Variants in PHTF1 observed in about 807,000 individuals in gnomAD.
PHTF1 encodes the protein protein PHTF1.
PHTF1 carries 88 observed loss-of-function variants against 102.4 expected under a neutral mutation model. The ratio of observed to expected loss-of-function variants is 0.86; its 90% CI spans 0.72 to 1.03. PHTF1 has a LOEUF of 1.03. PHTF1 is among the 50% of genes least tolerant of loss of function. The pLI is 0.00. For missense variants in PHTF1, 814 were observed against 909.5 expected (o/e 0.89, Z 1.35); for synonymous variants, 289 against 305.2 (o/e 0.95, Z 0.55).
rs529148120 is a variant in PHTF1, at chr1:113,753,544, CAGCCCCCTGAGT to C, written c.102+4143_102+4154del. On this transcript the variant is annotated intron_variant, in intron 3 of 18. Transcript: ENST00000369604. ...CCACACTCAAACGATTCTCCTGCCT[CAGCCCCCTGAGT>C]AGGTGGGACTACAGGTGCGTGTCAC... 1.6e-4 allele frequency among the ~76,000 whole-genome samples: 24 copies of C among 152,258 alleles called. 1 individual carries two copies. The South Asian group carries it at 5.0e-3, about 32-fold the overall frequency.
intron 5 of PHTF1, among the ~76,000 whole-genome samples, chr1:113,735,574 A>G (rs769065782): frequency 7.2e-5 from 11 of 152,108 alleles, no homozygotes; most frequent in Admixed American, 2.0e-4. Flanking sequence ...ATCAAATAAA[A>G]TTTAAAATTC....
intron 3 of PHTF1, among the ~76,000 whole-genome samples, chr1:113,750,517 G>C (rs1489251820): frequency 6.6e-6 from 1 of 151,966 alleles, no homozygotes; most frequent in African/African-American, 2.4e-5. Flanking sequence ...ATATTAATTA[G>C]AATGTTTTGC....
chr1:113,757,856 G>C (rs1659109014), intron 2 of PHTF1, 101 bp from the exon 3 acceptor site: 2 of 736,492 alleles, frequency 2.7e-6, no homozygotes, highest in African/African-American at 3.5e-5. Flanking sequence ...GTATCAATAT[G>C]CTATGTGGAA....
At chr1:113,726,320 C>T in intron 6 of PHTF1, 98 bp downstream of exon 6, 1 of 948,826 alleles carries the variant, frequency 1.1e-6, no homozygotes, top group Non-Finnish European at 1.6e-6. Flanking sequence ...TAATGAAAAA[C>T]ACAAAAGAGG....
chr1:113,748,615 G>A (rs1657562158), intron 3 of PHTF1, among the ~76,000 whole-genome samples: 1 of 152,066 alleles, frequency 6.6e-6, no homozygotes, highest in South Asian at 2.1e-4. Flanking sequence ...GCTCACTGCA[G>A]CTTCGACTTC....
Position 113,697,714 on chromosome 1 carries a change from A to G in PHTF1, c.2280T>C (p.Ile760=). ...LLGFNIRLWK[I]KS Reference sequence around the variant, plus strand: ...CAGGCATTTACTCAGCTTATGATTTAATTTTCCACAGCTAAGAGAACAAAA... The same window carrying G: ...CAGGCATTTACTCAGCTTATGATTTGATTTTCCACAGCTAAGAGAACAAAA... The change falls in exon 19 of 19, where the codon ATT becomes ATC. Residue 760 remains isoleucine, a synonymous_variant. Coordinates refer to ENST00000369604, the MANE Select transcript of PHTF1 (RefSeq NM_001323043.2). The G allele has an allele frequency of 6.2e-7, 1 of 1,606,668 alleles. No individual in the cohort carries two copies. Among genetic ancestry groups the G allele is most frequent in the South Asian group, 1.1e-5 (1 of 90,880 alleles).
Position 113,711,749 on chromosome 1 carries a change from G to GCTT in PHTF1, c.1043_1044insAAG (p.Phe347_Ser348insArg), listed in dbSNP as rs768003494. Reference sequence around the variant, plus strand: ...ATTTCTCAAAGGGATACTTTACCTGGCTGAAGGCTGCTGATTCAAATTCTG... The same window carrying GCTT: ...ATTTCTCAAAGGGATACTTTACCTGGCTTCTGAAGGCTGCTGATTCAAATTCTG... On this transcript the variant is annotated inframe_insertion, in exon 10 of 19. Transcript: ENST00000369604. 2.5e-6 allele frequency: 4 copies of GCTT among 1,609,480 alleles called. No homozygotes were observed. The highest frequency in any genetic ancestry group is 1.7e-6 in the Non-Finnish European group (2 of 1,175,832).
At chr1:113,726,928 A>T (rs1398682563) in intron 5 of PHTF1, among the ~76,000 whole-genome samples, 6 of 152,194 alleles carry the variant, frequency 3.9e-5, no homozygotes, top group Non-Finnish European at 5.9e-5. Flanking sequence ...CAGAAAGCAA[A>T]CAGCAAAGAT....
intron 15 of PHTF1, 106 bp downstream of exon 15, chr1:113,703,975 A>T (rs1369955290): frequency 1.7e-5 from 10 of 574,552 alleles, no homozygotes. Context: ...AAAAATGTAG[A>T]TGCATTAAAA....
intron 17 of PHTF1, among the ~76,000 whole-genome samples, chr1:113,698,655 A>ACG (rs1241145740): frequency 7.9e-5 from 12 of 151,480 alleles, no homozygotes; most frequent in African/African-American, 2.9e-4. Flanking sequence ...ACACACACAC[A>ACG]CACATACACA....
intron 15 of PHTF1, among the ~76,000 whole-genome samples, chr1:113,701,250 T>C (rs1314968517): frequency 6.6e-6 from 1 of 152,228 alleles, no homozygotes; most frequent in Non-Finnish European, 1.5e-5. Context: ...CTCACAACTA[T>C]ATGGCAACCA....
Position 113,743,905 on chromosome 1 carries a change from C to T in PHTF1, c.103-5106G>A, listed in dbSNP as rs933143011. Among the ~76,000 whole-genome samples, 10 of 152,266 alleles carry T rather than the reference C, an allele frequency of 6.6e-5. No individual in the cohort carries two copies. The East Asian group carries it at 1.5e-3, about 23-fold the overall frequency. On this transcript the variant is annotated intron_variant, in intron 3 of 18. Coordinates refer to ENST00000369604, the MANE Select transcript of PHTF1 (RefSeq NM_001323043.2). ...GATAAGGCAACCAAGGCAGAGATTCCAACCCTTTCATTCTCATTCCAAAGT... is the reference window on the plus strand; with the variant it reads ...GATAAGGCAACCAAGGCAGAGATTCTAACCCTTTCATTCTCATTCCAAAGT...
In PHTF1 at chr1:113,706,714, T is replaced by A. The variant is rs1206903139; in HGVS notation, c.1278A>T (p.Leu426Phe). 3 of 1,601,444 alleles carry A rather than the reference T, an allele frequency of 1.9e-6. 1 individual carries two copies. The Admixed American group carries it at 5.2e-5, about 28-fold the overall frequency. The change falls in exon 12 of 19, where the codon TTA (leucine) becomes TTT (phenylalanine). Residue 426 changes from leucine to phenylalanine, a missense_variant. Transcript: ENST00000369604. Reference sequence around the variant, plus strand: ...AAGGACTTGAATTCTGAAGCCAGAATAAATGATTCTGAGAAGAAAAATATA... The same window carrying A: ...AAGGACTTGAATTCTGAAGCCAGAAAAAATGATTCTGAGAAGAAAAATATA... The part of the protein sequence containing the change: ...PKEDVFQQNH[L>F]FWLQNSSPSS...
In PHTF1 at chr1:113,712,004, G is replaced by T; in HGVS notation, c.893C>A (p.Ser298Ter). The T allele has an allele frequency of 1.2e-6, 2 of 1,613,922 alleles. No homozygotes were observed. The highest frequency in any genetic ancestry group is 1.7e-6 in the Non-Finnish European group (2 of 1,179,884). Residue 298 changes from serine (S) to a stop codon, truncating the protein, a stop_gained, in exon 9 of 19, where the codon TCA (serine) becomes TAA (stop). Coordinates refer to ENST00000369604, the MANE Select transcript of PHTF1 (RefSeq NM_001323043.2). LOFTEE classifies it high-confidence loss of function. Reference sequence around the variant, plus strand: ...CTTAACTTCACAACCATTGTCACTTGAGGCCCCTTCCACACTCCTACGCAA... The same window carrying T: ...CTTAACTTCACAACCATTGTCACTTTAGGCCCCTTCCACACTCCTACGCAA... ...ILLRRSVEGA[S>*]SDNGCEVKNR...
rs564425417 is a variant in PHTF1, at chr1:113,720,934, C to CA, written c.623+3824dup. The stretch of plus-strand genomic sequence containing the variant: ...AATACTTGACTTCTGTGCACCTCTA[C>CA]AAAAAAATACAAAAAATTAGGGAGG... On this transcript the variant is annotated intron_variant, in intron 7 of 18. Transcript: ENST00000369604. 4.4e-3 allele frequency among the ~76,000 whole-genome samples: 673 copies of CA among 152,090 alleles called. 5 individuals carry two copies. The highest frequency in any genetic ancestry group is 0.015 in the African/African-American group (636 of 41,518).
intron 6 of PHTF1, 77 bp downstream of exon 6, chr1:113,726,336 TTTAAA>T: frequency 3.7e-6 from 4 of 1,089,934 alleles, no homozygotes; most frequent in African/African-American, 1.6e-5. Context: ...AGAGGGAGAT[TTTAAA>T]TTAATCAAAG....
At chr1:113,700,268 G>A (rs1002743756) in intron 16 of PHTF1, 8 of 597,958 alleles carry the variant, frequency 1.3e-5, no homozygotes, top group East Asian at 1.4e-4. Context: ...AAACAGAAAC[G>A]AATGATAAAT....
Position 113,758,672 on chromosome 1 carries a change from C to T in PHTF1, c.32G>A (p.Trp11Ter), listed in dbSNP as rs1464917729. The T allele has an allele frequency of 1.3e-6, 2 of 1,599,716 alleles. No homozygotes were observed. The highest frequency in any genetic ancestry group is 1.3e-5 in the African/African-American group (1 of 74,506). The change falls in exon 2 of 19, where the codon TGG becomes TAG. Residue 11 changes from tryptophan (W) to a stop codon, truncating the protein, a stop_gained. Transcript: ENST00000369604. LOFTEE classifies it high-confidence loss of function. Reference protein sequence around the residue: MASNERDAISWYQKKIGAYDQ... With the variant: MASNERDAIS ...TATATGTATTACCTTCTTTTGGTAC[C>T]ACGATATAGCATCTCTCTCATTTGA...
intron 5 of PHTF1, among the ~76,000 whole-genome samples, chr1:113,735,319 C>T (rs553207940): frequency 3.0e-5 from 4 of 133,888 alleles, no homozygotes; most frequent in African/African-American, 1.2e-4. Flanking sequence ...TGAGCCAAGA[C>T]CACACCACTA....
Sources: allele counts gnomAD v4.1 joint callset (sites outside exome capture counted in the v4.1 genomes callset), GRCh38; gene constraint gnomAD v4.1.1; transcripts MANE v1.5; gene names NCBI Gene and HGNC (gene_info 2026-07-23, HGNC 2026-07-21).